KHDRBS2: variants seen among roughly 807,000 people sequenced by gnomAD.
KHDRBS2 encodes KH RNA binding domain containing, signal transduction associated 2.
In KHDRBS2, 26 loss-of-function variants were observed where a neutral mutation model predicts 44.3. That is an observed-to-expected ratio of 0.59 (90% CI 0.43 to 0.81). KHDRBS2 has a LOEUF of 0.81. KHDRBS2 is among the 40% of genes least tolerant of loss of function. The pLI, the probability that KHDRBS2 is intolerant of heterozygous loss-of-function variation, is 0.00. For missense variants in KHDRBS2, 476 were observed against 433.1 expected (o/e 1.10, Z -0.88); for synonymous variants, 194 against 151.1 (o/e 1.28, Z -2.08).
chr6:61,650,367 C>G, the KHDRBS2 span, among the ~76,000 whole-genome samples: 1 of 150,180 alleles, frequency 6.7e-6, no homozygotes, highest in African/African-American at 2.4e-5. Flanking sequence ...CAAGCAGATT[C>G]TTTGTCTGTC....
chr6:62,235,071 T>TA (rs1833491831), intron 1 of KHDRBS2, among the ~76,000 whole-genome samples: 3 of 66,818 alleles, frequency 4.5e-5, no homozygotes, highest in Admixed American at 3.7e-4. Flanking sequence ...CCATTTAGGC[T>TA]TTTTTTTTTT....
intron 2 of KHDRBS2, among the ~76,000 whole-genome samples, chr6:62,064,613 C>T (rs1793037654): frequency 6.7e-6 from 1 of 149,232 alleles, no homozygotes; most frequent in African/African-American, 2.5e-5. Context: ...TTCCTTACAC[C>T]TTATACAAAA....
chr6:61,953,363 C>T (rs1765172222), intron 4 of KHDRBS2, among the ~76,000 whole-genome samples: 1 of 151,922 alleles, frequency 6.6e-6, no homozygotes, highest in South Asian at 2.1e-4. Flanking sequence ...CCTTGATAAG[C>T]ACTAGAAAAA....
At chr6:61,569,416 C>A in the KHDRBS2 span, among the ~76,000 whole-genome samples, 1 of 152,156 alleles carries the variant, frequency 6.6e-6, no homozygotes, top group Admixed American at 6.6e-5. Context: ...AGCTTAGATC[C>A]CCCTATTTCT....
chr6:62,198,438 T>C (rs1038600833), intron 1 of KHDRBS2, among the ~76,000 whole-genome samples: 7 of 152,044 alleles, frequency 4.6e-5, no homozygotes, highest in Non-Finnish European at 7.4e-5. Flanking sequence ...CAAACTACCA[T>C]CAGAGAATAC....
At chr6:61,758,650 A>G (rs1360108308) in intron 6 of KHDRBS2, among the ~76,000 whole-genome samples, 4 of 152,058 alleles carry the variant, frequency 2.6e-5, no homozygotes, top group African/African-American at 9.7e-5. Context: ...ATGGCCCACA[A>G]GAGTACATAA....
intron 6 of KHDRBS2, among the ~76,000 whole-genome samples, chr6:61,892,964 C>A (rs968560644): frequency 4.0e-5 from 6 of 151,864 alleles, no homozygotes; most frequent in African/African-American, 1.5e-4. Flanking sequence ...AGTGAACAGG[C>A]AACTGACAGA....
intron 3 of KHDRBS2, among the ~76,000 whole-genome samples, chr6:62,030,797 C>A (rs1784206715): frequency 6.6e-6 from 1 of 152,042 alleles, no homozygotes; most frequent in Non-Finnish European, 1.5e-5. Flanking sequence ...TTCCCAAATA[C>A]TCTACTGTGA....
intron 6 of KHDRBS2, among the ~76,000 whole-genome samples, chr6:61,770,512 C>G (rs912272793): frequency 5.9e-5 from 9 of 152,142 alleles, no homozygotes; most frequent in Admixed American, 4.6e-4. Context: ...GAGCTGAAAA[C>G]CAAGGCACGA....
At chr6:61,751,295 G>C (rs1232387538) in intron 6 of KHDRBS2, among the ~76,000 whole-genome samples, 1 of 152,048 alleles carries the variant, frequency 6.6e-6, no homozygotes, top group African/African-American at 2.4e-5. Flanking sequence ...CCTACATAAG[G>C]GATAATATCT....
chr6:61,981,543 A>C (rs1773850528), intron 3 of KHDRBS2, among the ~76,000 whole-genome samples: 1 of 152,000 alleles, frequency 6.6e-6, no homozygotes, highest in East Asian at 1.9e-4. Context: ...TTACTTTTGA[A>C]ATCTTGTATT....
the KHDRBS2 span, among the ~76,000 whole-genome samples, chr6:61,667,514 A>AGG: frequency 6.6e-6 from 1 of 151,282 alleles, no homozygotes; most frequent in Admixed American, 6.6e-5. Context: ...AACTTGGACC[A>AGG]ATATACCAGT....
At chr6:62,157,316 A>T (rs527301609) in intron 2 of KHDRBS2, among the ~76,000 whole-genome samples, 3 of 151,304 alleles carry the variant, frequency 2.0e-5, no homozygotes, top group South Asian at 2.1e-4. Context: ...ACAGAACGAG[A>T]CTCCTTTAAA....
At chr6:61,822,829 C>A (rs1790160105) in intron 6 of KHDRBS2, among the ~76,000 whole-genome samples, 1 of 151,954 alleles carries the variant, frequency 6.6e-6, no homozygotes, top group African/African-American at 2.4e-5. Context: ...TCTCTCACAT[C>A]CCCTCAGAAG....
the KHDRBS2 span, among the ~76,000 whole-genome samples, chr6:61,553,035 A>T: frequency 0.029 from 4,351 of 151,354 alleles, 208 homozygotes; most frequent in African/African-American, 0.1. Flanking sequence ...CTTAGGGAGG[A>T]CTCCCTCTCC....
rs577462285 is a variant in KHDRBS2 at position 61,975,355 on chromosome 6, T to C, written c.483+2711A>G. 1.6e-3 allele frequency among the ~76,000 whole-genome samples: 237 copies of C among 152,280 alleles called. 7 individuals are homozygous for C. In the South Asian group the frequency reaches 0.045, roughly 29 times the overall value. On this transcript the variant is annotated intron_variant, in intron 4 of 8. Transcript: ENST00000281156. Reference sequence around the variant, plus strand: ...GTCTCTTACTGCCTAGAATTCTTCATCTACAATGTTTGCAAATGTTAATGT... The same window carrying C: ...GTCTCTTACTGCCTAGAATTCTTCACCTACAATGTTTGCAAATGTTAATGT...
chr6:61,559,709 T>A, the KHDRBS2 span, among the ~76,000 whole-genome samples: 6 of 152,306 alleles, frequency 3.9e-5, no homozygotes, highest in East Asian at 1.2e-3. Context: ...ATAAAAACTC[T>A]ACACTTTAAC....
intron 3 of KHDRBS2, among the ~76,000 whole-genome samples, chr6:62,038,075 G>T (rs1476271515): frequency 6.6e-6 from 1 of 151,932 alleles, no homozygotes; most frequent in Non-Finnish European, 1.5e-5. Flanking sequence ...CAACTCAGAG[G>T]CACTATTCAC....
intron 2 of KHDRBS2, among the ~76,000 whole-genome samples, chr6:62,171,020 GAGAA>G (rs969810386): frequency 2.0e-5 from 3 of 149,524 alleles, no homozygotes; most frequent in African/African-American, 7.4e-5. Flanking sequence ...CCCACACAGA[GAGAA>G]AGAACCAGTG....
Sources: gnomAD v4.1 joint callset for allele counts (sites outside exome capture counted in the v4.1 genomes callset) on GRCh38, gnomAD v4.1.1 for gene constraint, MANE v1.5 for transcripts, NCBI Gene and HGNC (gene_info 2026-07-23, HGNC 2026-07-21) for gene names.